Variants in TCERG1 observed in about 807,000 individuals in gnomAD.
TCERG1 encodes transcription elongation regulator 1, also known as TATA box binding protein (TBP)-associated factor, RNA polymerase II, S, 150kD.
A neutral mutation model predicts 144.7 loss-of-function variants in TCERG1; 37 were observed. The observed-to-expected ratio is 0.26, with a 90% confidence interval of 0.20 to 0.34. The LOEUF is 0.34. TCERG1 is among the 10% of genes least tolerant of loss of function. TCERG1 has a pLI of 1.00. For missense variants in TCERG1, 1,027 were observed against 1,380.7 expected, an observed-to-expected ratio of 0.74 and a Z score of 4.06; for synonymous variants, 492 against 458.2, an observed-to-expected ratio of 1.07 and a Z score of -0.94.
intron 15 of TCERG1, 145 bp from the exon 16 acceptor site, chr5:146,492,775 C>A: frequency 1.9e-6 from 1 of 539,474 alleles, no homozygotes; most frequent in Non-Finnish European, 3.2e-6. Context: ...TAAAGTGAAA[C>A]TTGGTATAGA....
chr5:146,469,862 C>T (rs944381603), intron 7 of TCERG1, 118 bp downstream of exon 7: 3 of 699,960 alleles, frequency 4.3e-6, no homozygotes, highest in Non-Finnish European at 2.2e-6. Flanking sequence ...ATTACACAGT[C>T]ATTGGATTGT....
At chr5:146,482,281 CTTT>C in intron 13 of TCERG1, 1 of 162,930 alleles carries the variant, frequency 6.1e-6, no homozygotes, top group Non-Finnish European at 1.3e-5. Context: ...CAGTGTTAAA[CTTT>C]TTTTTTTTTA....
chr5:146,457,261 G>A lies in TCERG1; in HGVS notation c.364G>A (p.Val122Met). ...GMMFPPGMPP[V>M]TAPGTPALPP... Reference sequence around the variant, plus strand: ...GATGTTTCCACCAGGAATGCCTCCTGTGACTGCTCCTGGTACTCCAGCACT... The same window carrying A: ...GATGTTTCCACCAGGAATGCCTCCTATGACTGCTCCTGGTACTCCAGCACT... The change falls in exon 3 of 23, where the codon GTG becomes ATG. Residue 122 changes from valine to methionine, a missense_variant. Around this residue, in one of 6 missense-constraint regions of TCERG1, gnomAD observed 175 missense variants for 197.0 expected, o/e 0.89. Coordinates refer to ENST00000679501, the MANE Select transcript of TCERG1 (RefSeq NM_001382548.1). 1.2e-6 allele frequency: 2 copies of A among 1,614,132 alleles called. No individual in the cohort carries two copies. The highest frequency in any genetic ancestry group is 1.7e-6 in the Non-Finnish European group (2 of 1,179,986).
intron 5 of TCERG1, among the ~76,000 whole-genome samples, chr5:146,466,929 T>C (rs190128474): frequency 4.7e-4 from 71 of 152,372 alleles, no homozygotes; most frequent in African/African-American, 1.7e-3. Context: ...GTGCTGAGTT[T>C]AGTAGGTTCA....
intron 1 of TCERG1, among the ~76,000 whole-genome samples, chr5:146,448,290 T>TAG (rs2150128986): frequency 6.6e-6 from 1 of 152,354 alleles, no homozygotes. Context: ...GTTCTATTCG[T>TAG]CTACTACTCA....
chr5:146,460,916 A>T (rs918886305), intron 4 of TCERG1, among the ~76,000 whole-genome samples: 8 of 152,182 alleles, frequency 5.3e-5, no homozygotes, highest in Admixed American at 6.5e-5. Context: ...GCAAGGCAGG[A>T]GACTACCAGT....
At chr5:146,482,491 C>T (rs1451624239) in intron 13 of TCERG1, 101 bp from the exon 14 acceptor site, 1 of 1,210,784 alleles carries the variant, frequency 8.3e-7, no homozygotes, top group Non-Finnish European at 1.1e-6. Context: ...AAATATGCTG[C>T]TCAGTAGTGA....
chr5:146,454,948 C>T, intron 1 of TCERG1, 108 bp from the exon 2 acceptor site: 2 of 1,205,826 alleles, frequency 1.7e-6, no homozygotes, highest in East Asian at 5.1e-5. Flanking sequence ...CTTTCCAACT[C>T]CACTTAGACT....
chr5:146,510,175 A>G (rs990050023), intron 22 of TCERG1: 2 of 1,081,014 alleles, frequency 1.9e-6, no homozygotes, highest in Non-Finnish European at 2.5e-6. Context: ...AGCACGGGCA[A>G]GATTTACCCA....
intron 1 of TCERG1, among the ~76,000 whole-genome samples, chr5:146,448,693 C>T (rs995830937): frequency 1.3e-5 from 2 of 152,194 alleles, no homozygotes; most frequent in Non-Finnish European, 2.9e-5. Context: ...CAAATCTCCA[C>T]TTTGGCAGAA....
At chr5:146,506,152 G>A (rs1001797362) in intron 19 of TCERG1, among the ~76,000 whole-genome samples, 2 of 152,106 alleles carry the variant, frequency 1.3e-5, no homozygotes, top group East Asian at 1.9e-4. Context: ...TGCAAAGCAC[G>A]GTATATATCT....
intron 4 of TCERG1, among the ~76,000 whole-genome samples, chr5:146,462,912 A>G (rs1464414958): frequency 1.3e-5 from 2 of 152,202 alleles, no homozygotes; most frequent in African/African-American, 4.8e-5. Context: ...GTAAAATGTG[A>G]AAGAGGCATT....
Position 146,455,220 on chromosome 5 carries a change from A to C in TCERG1, c.224A>C (p.Asn75Thr). Residue 75 changes from asparagine to threonine, a missense_variant, in exon 2 of 23, where the codon AAT becomes ACT. By Grantham distance (65) the Asn-to-Thr change is moderately conservative. Transcript: ENST00000679501. ...PPFGRPPFDP[N>T]MPPMPPPGGI... Reference sequence around the variant, plus strand: ...TTTGGACGTCCTCCTTTTGATCCTAATATGCCGCCAATGCCTCCTCCAGGA... The same window carrying C: ...TTTGGACGTCCTCCTTTTGATCCTACTATGCCGCCAATGCCTCCTCCAGGA... 6.2e-7 allele frequency: 1 copy of C among 1,614,126 alleles called. No homozygotes were observed.
rs763306838 is a variant in TCERG1 at position 146,459,181 on chromosome 5, C to A, written c.736C>A (p.Gln246Lys). 6.8e-6 allele frequency: 11 copies of A among 1,614,082 alleles called. No homozygotes were observed. The Admixed American group carries it at 1.8e-4, about 27-fold the overall frequency. Residue 246 changes from glutamine to lysine, a missense_variant, in exon 4 of 23, where the codon CAG (glutamine) becomes AAG (lysine). Gln to Lys is a moderately conservative substitution (Grantham distance 53). Transcript: ENST00000679501. ...QAQAQAQVQA[Q>K]VQAQVQAQAV... is the part of the protein sequence containing the mutation. ...CCAGGCCCAGGCTCAGGTCCAGGCC[C>A]AGGTCCAGGCACAAGTGCAAGCACA...
chr5:146,458,984 A>G lies in TCERG1; in HGVS notation c.539A>G (p.Gln180Arg), dbSNP rs1763073119. 3 of 1,613,974 alleles carry G rather than the reference A, an allele frequency of 1.9e-6. No individual in the cohort carries two copies. The highest frequency in any genetic ancestry group is 1.3e-5 in the African/African-American group (1 of 74,944). ...QSELTPMLAA[Q>R]AQVQAQAQAQ... ...GAACTGACACCTATGCTTGCAGCCC[A>G]GGCACAGGTTCAGGCTCAGGCCCAG... The change falls in exon 4 of 23, where the codon CAG (glutamine) becomes CGG (arginine). Residue 180 changes from glutamine to arginine, a missense_variant. Gln to Arg is a conservative substitution (Grantham distance 43, BLOSUM62 1). Transcript: ENST00000679501.
At chr5:146,498,844 G>A (rs2150810189) in intron 17 of TCERG1, among the ~76,000 whole-genome samples, 158 bp downstream of exon 17, 1 of 152,240 alleles carries the variant, frequency 6.6e-6, no homozygotes, top group Admixed American at 6.5e-5. Context: ...ATGTATGTAT[G>A]TATTCTATCA....
intron 15 of TCERG1, among the ~76,000 whole-genome samples, chr5:146,483,878 T>C (rs533546446): frequency 2.6e-5 from 4 of 152,220 alleles, no homozygotes; most frequent in Admixed American, 1.3e-4. Context: ...ACCTAGGTTA[T>C]GTGTAGTATG....
intron 1 of TCERG1, among the ~76,000 whole-genome samples, chr5:146,451,738 T>TAACCTGGTATA (rs199628502): frequency 2.0e-5 from 3 of 146,676 alleles, no homozygotes; most frequent in Non-Finnish European, 4.5e-5. Context: ...GTCCTGGTTA[T>TAACCTGGTATA]ACCAGGACTG....
intron 4 of TCERG1, among the ~76,000 whole-genome samples, chr5:146,461,170 A>G (rs1763296614): frequency 6.6e-6 from 1 of 152,148 alleles, no homozygotes; most frequent in African/African-American, 2.4e-5. Flanking sequence ...CCTGTTTGTC[A>G]GTTTTGCTTT....
Sources: gnomAD v4.1 joint callset for allele counts (sites outside exome capture counted in the v4.1 genomes callset) on GRCh38, gnomAD v4.1.1 for gene constraint, gnomAD v4.1.1 regional missense constraint, MANE v1.5 for transcripts, NCBI Gene and HGNC (gene_info 2026-07-23, HGNC 2026-07-21) for gene names.